Variants in NAALADL2 observed in about 807,000 individuals in gnomAD.
NAALADL2 encodes inactive N-acetylated-alpha-linked acidic dipeptidase-like protein 2.
In NAALADL2, 76 loss-of-function variants were observed where a neutral mutation model predicts 87.2. The ratio of observed to expected loss-of-function variants is 0.87; its 90% confidence interval spans 0.72 to 1.05. The LOEUF is 1.05. NAALADL2 is among the 50% of genes least tolerant of loss of function. The pLI is 0.00. For missense variants in NAALADL2, 1,089 were observed against 945.8 expected, an observed-to-expected ratio of 1.15 and a Z score of -1.99; for synonymous variants, 354 against 331.0, an observed-to-expected ratio of 1.07 and a Z score of -0.75.
chr3:175,734,345 G>A (rs889909457), intron 11 of NAALADL2, among the ~76,000 whole-genome samples: 2 of 152,022 alleles, frequency 1.3e-5, no homozygotes, highest in Admixed American at 1.3e-4. Flanking sequence ...ATGAGGTCAG[G>A]AGATCAAGAC....
At chr3:175,053,042 A>G (rs1353754173) in intron 1 of NAALADL2, among the ~76,000 whole-genome samples, 1 of 152,220 alleles carries the variant, frequency 6.6e-6, no homozygotes, top group East Asian at 1.9e-4. Context: ...CTGTTCTGCA[A>G]TGTGATCTTC....
At chr3:175,080,031 T>A (rs956658821) in intron 1 of NAALADL2, among the ~76,000 whole-genome samples, 3 of 151,764 alleles carry the variant, frequency 2.0e-5, no homozygotes, top group African/African-American at 7.3e-5. Flanking sequence ...AGTGGAGCGA[T>A]CTCGGCTCAC....
At chr3:175,464,129 C>G (rs965739702) in intron 7 of NAALADL2, among the ~76,000 whole-genome samples, 2 of 151,938 alleles carry the variant, frequency 1.3e-5, no homozygotes, top group Non-Finnish European at 2.9e-5. Flanking sequence ...AGCCAGCATG[C>G]CTGGCTAAGA....
intron 2 of NAALADL2, among the ~76,000 whole-genome samples, chr3:175,181,722 T>TGG (rs752623463): frequency 1.7e-5 from 1 of 57,776 alleles, no homozygotes; most frequent in Non-Finnish European, 3.9e-5. Flanking sequence ...TGTGTGTATA[T>TGG]ATATGTATAT....
intron 4 of NAALADL2, among the ~76,000 whole-genome samples, chr3:175,323,024 A>G (rs1043738237): frequency 2.0e-5 from 3 of 151,036 alleles, no homozygotes; most frequent in Non-Finnish European, 4.4e-5. Flanking sequence ...TGCTGCTATA[A>G]AGACACATGC....
At chr3:174,625,372 A>G (rs1023524892) in intron 2 of NAALADL2, among the ~76,000 whole-genome samples, 2 of 151,848 alleles carry the variant, frequency 1.3e-5, no homozygotes, top group African/African-American at 4.8e-5. Context: ...AGTTTATTTG[A>G]TGTAATGGCT....
chr3:174,838,384 A>T (rs1330902524), intron 3 of NAALADL2, among the ~76,000 whole-genome samples: 1 of 152,212 alleles, frequency 6.6e-6, no homozygotes, highest in Admixed American at 6.5e-5. Context: ...CACGGCCAAC[A>T]TAATACTGAA....
chr3:175,146,348 C>T (rs1343810900), intron 2 of NAALADL2, among the ~76,000 whole-genome samples: 2 of 152,046 alleles, frequency 1.3e-5, no homozygotes, highest in Non-Finnish European at 2.9e-5. Flanking sequence ...CAAATATGTA[C>T]AGTGCTCCCA....
chr3:175,682,377 GA>G (rs1422815587), intron 11 of NAALADL2, among the ~76,000 whole-genome samples: 20 of 151,984 alleles, frequency 1.3e-4, no homozygotes, highest in Admixed American at 6.5e-4. Flanking sequence ...ATTGAAATTT[GA>G]AAAATGGAAT....
chr3:175,048,270 G>A (rs964256668), intron 1 of NAALADL2, among the ~76,000 whole-genome samples: 3 of 152,082 alleles, frequency 2.0e-5, no homozygotes, highest in Admixed American at 6.6e-5. Flanking sequence ...AATCAAATTG[G>A]CAAGTTTATA....
intron 1 of NAALADL2, among the ~76,000 whole-genome samples, chr3:175,081,783 T>C (rs992235423): frequency 2.6e-5 from 4 of 152,220 alleles, no homozygotes; most frequent in Non-Finnish European, 5.9e-5. Context: ...GTACATATAG[T>C]TAGTTTTTTC....
At chr3:175,057,185 A>G (rs561181606) in intron 1 of NAALADL2, among the ~76,000 whole-genome samples, 1 of 152,350 alleles carries the variant, frequency 6.6e-6, no homozygotes, top group South Asian at 2.1e-4. Flanking sequence ...GATTCTATCT[A>G]TAAGGGAAAA....
At chr3:174,983,367 G>A (rs1001766600) in intron 1 of NAALADL2, among the ~76,000 whole-genome samples, 1 of 152,156 alleles carries the variant, frequency 6.6e-6, no homozygotes, top group African/African-American at 2.4e-5. Flanking sequence ...GGAAATATTG[G>A]CTTGGCATGT....
chr3:175,322,914 G>A (rs1251761839), intron 4 of NAALADL2, among the ~76,000 whole-genome samples: 1 of 151,606 alleles, frequency 6.6e-6, no homozygotes, highest in Admixed American at 6.6e-5. Flanking sequence ...TTCAACCATT[G>A]TGGAAGTCAG....
At chr3:175,588,218 A>G (rs761773683) in intron 10 of NAALADL2, among the ~76,000 whole-genome samples, 2 of 152,136 alleles carry the variant, frequency 1.3e-5, no homozygotes, top group Non-Finnish European at 2.9e-5. Flanking sequence ...GTTACCTAAG[A>G]TTGGTCCCTA....
intron 2 of NAALADL2, among the ~76,000 whole-genome samples, chr3:175,192,644 G>T (rs1738380004): frequency 6.6e-6 from 1 of 151,920 alleles, no homozygotes; most frequent in Non-Finnish European, 1.5e-5. Context: ...CTATGGCATG[G>T]ATTTTAATTA....
At chr3:175,564,726 C>T (rs980566875) in intron 9 of NAALADL2, among the ~76,000 whole-genome samples, 1 of 152,088 alleles carries the variant, frequency 6.6e-6, no homozygotes, top group African/African-American at 2.4e-5. Flanking sequence ...GGAATTGTAC[C>T]CAGAGGGAGT....
intron 2 of NAALADL2, among the ~76,000 whole-genome samples, chr3:174,637,234 A>G (rs987442589): frequency 2.0e-5 from 3 of 152,086 alleles, no homozygotes; most frequent in Non-Finnish European, 4.4e-5. Context: ...ACAGTTAGAT[A>G]GAAGGTATAA....
At chr3:175,173,930 T>C (rs1735271279) in intron 2 of NAALADL2, among the ~76,000 whole-genome samples, 2 of 151,312 alleles carry the variant, frequency 1.3e-5, no homozygotes. Context: ...GACTTGAGAA[T>C]TATATTGTGC....
Sources: gnomAD v4.1 joint callset for allele counts (sites outside exome capture counted in the v4.1 genomes callset) on GRCh38, gnomAD v4.1.1 for gene constraint, MANE v1.5 for transcripts, NCBI Gene and HGNC (gene_info 2026-07-23, HGNC 2026-07-21) for gene names.